The following AHI1 variants were observed in gnomAD, a reference collection of about 807,000 sequenced individuals.
AHI1 encodes jouberin.
A neutral mutation model predicts 149.3 loss-of-function variants in AHI1; 123 were observed. That is an observed-to-expected ratio of 0.82 (90% CI 0.71 to 0.96). The LOEUF is 0.96. AHI1 is among the 40% of genes least tolerant of loss of function. The pLI, the probability that AHI1 is intolerant of heterozygous loss-of-function variation, is 0.00. For missense variants in AHI1, 1,439 were observed against 1,422.7 expected, an observed-to-expected ratio of 1.01 and a Z score of -0.18; for synonymous variants, 475 against 459.8, an observed-to-expected ratio of 1.03 and a Z score of -0.42.
intron 21 of AHI1, among the ~76,000 whole-genome samples, chr6:135,410,522 A>G (rs1781436428): frequency 6.6e-6 from 1 of 152,238 alleles, no homozygotes; most frequent in South Asian, 2.1e-4. Flanking sequence ...GCTACACTCT[A>G]AACCATAGTT....
intron 24 of AHI1, among the ~76,000 whole-genome samples, chr6:135,356,017 C>T (rs2128432870): frequency 6.6e-6 from 1 of 152,324 alleles, no homozygotes; most frequent in South Asian, 2.1e-4. Context: ...TACCACTCTC[C>T]TAGAACTGCC....
At position 135,430,086 on chromosome 6, in the gene AHI1, C is replaced by T. The variant is rs900825117; in HGVS notation, c.2374-86G>A. ...GGGTACAAAATTAATCTTAAAATATCATTTCCAATTCCACTGTATAGGATG... is the reference window on the plus strand; with the variant it reads ...GGGTACAAAATTAATCTTAAAATATTATTTCCAATTCCACTGTATAGGATG... On this transcript the variant is annotated intron_variant, in intron 17 of 28. Transcript: ENST00000265602. 5.6e-6 allele frequency: 4 copies of T among 714,610 alleles called. No homozygotes were observed. In the African/African-American group the frequency reaches 7.2e-5, roughly 13 times the overall value. 44.3% of individuals were successfully genotyped at this position (714,610 alleles called of 1,614,324 possible).
At chr6:135,290,549 C>A in intron 27 of AHI1, 24 bp from the exon 28 acceptor site, 1 of 1,613,082 alleles carries the variant, frequency 6.2e-7, no homozygotes, top group Non-Finnish European at 8.5e-7. Context: ...AGATCAGAAA[C>A]AAGGAGCCAG....
chr6:135,392,180 T>C (rs556163665), intron 23 of AHI1, among the ~76,000 whole-genome samples: 5 of 152,346 alleles, frequency 3.3e-5, no homozygotes, highest in African/African-American at 9.6e-5. Context: ...TAGAGGTTCC[T>C]GAAGGCAGAG....
intron 23 of AHI1, among the ~76,000 whole-genome samples, chr6:135,391,880 C>T (rs1778552643): frequency 6.6e-6 from 1 of 151,986 alleles, no homozygotes; most frequent in South Asian, 2.1e-4. Context: ...AGAGGAAAGT[C>T]GAGAGAAAAG....
At chr6:135,296,146 C>T (rs1017562615) in intron 27 of AHI1, among the ~76,000 whole-genome samples, 31 of 152,198 alleles carry the variant, frequency 2.0e-4, no homozygotes, top group African/African-American at 5.8e-4. Flanking sequence ...TGAGCCACCG[C>T]GCCTGGCCGC....
intron 5 of AHI1, among the ~76,000 whole-genome samples, chr6:135,477,956 C>T (rs936289443): frequency 6.6e-6 from 1 of 151,388 alleles, no homozygotes. Flanking sequence ...TGCCACCACA[C>T]CCGGCTAATT....
Position 135,394,827 on chromosome 6 carries a change from T to C in AHI1, c.3058A>G (p.Asn1020Asp), listed in dbSNP as rs1779001393. The C allele has an allele frequency of 6.2e-7, 1 of 1,608,620 alleles. No individual in the cohort carries two copies. The highest frequency in any genetic ancestry group is 8.5e-7 in the Non-Finnish European group (1 of 1,177,166). ...AGAATCTCTTGAGCGGTCAGCATGTTTGACTGCTTTAACTTAGACTGTTGT... is the reference window on the plus strand; with the variant it reads ...AGAATCTCTTGAGCGGTCAGCATGTCTGACTGCTTTAACTTAGACTGTTGT... ...SSQQSKLKQS[N>D]MLTAQEILHQ... Residue 1020 changes from asparagine (N) to aspartate (D), a missense_variant, in exon 23 of 29, where the codon AAC (asparagine) becomes GAC (aspartate). Transcript: ENST00000265602.
intron 12 of AHI1, among the ~76,000 whole-genome samples, chr6:135,447,860 T>A (rs1787486731): frequency 6.6e-6 from 1 of 152,208 alleles, no homozygotes; most frequent in Non-Finnish European, 1.5e-5. Flanking sequence ...TACCTGTTTT[T>A]GTAAATAAAC....
At chr6:135,462,856 G>A (rs999387391) in intron 8 of AHI1, among the ~76,000 whole-genome samples, 1 of 151,958 alleles carries the variant, frequency 6.6e-6, no homozygotes, top group African/African-American at 2.4e-5. Context: ...AGCCGAGATC[G>A]TGCCACTGCA....
Position 135,388,002 on chromosome 6 carries a change from TA to T in AHI1, c.3109+6773del, listed in dbSNP as rs1391450582. The T allele has an allele frequency of 2.4e-5, 38 of 1,613,666 alleles. No individual in the cohort carries two copies. The Admixed American group carries it at 6.0e-4, about 25-fold the overall frequency. The stretch of plus-strand genomic sequence containing the variant: ...GAGTCTAGTGCTTTTTCCACCATAA[TA>T]TACATGTGTTGAATTCAGCAAAGTG... On this transcript the variant is annotated intron_variant, in intron 23 of 28. Transcript: ENST00000265602.
chr6:135,462,516 GTAAACTCAATGGTT>G (rs1790066665), intron 8 of AHI1, among the ~76,000 whole-genome samples: 1 of 150,958 alleles, frequency 6.6e-6, no homozygotes, highest in Non-Finnish European at 1.5e-5. Flanking sequence ...TTTAGAGGAT[GTAAACTCAATGGTT>G]TAAAGAAGAA....
At chr6:135,384,561 G>C (rs1777299882) in intron 23 of AHI1, among the ~76,000 whole-genome samples, 1 of 152,126 alleles carries the variant, frequency 6.6e-6, no homozygotes, top group Non-Finnish European at 1.5e-5. Context: ...CCCTATTCAA[G>C]CTAATCAAAA....
chr6:135,301,496 A>G lies in AHI1; in HGVS notation c.3427-938T>C, dbSNP rs181398960. ...GCCTTTTTAGATTTCCTTCTTCACA[A>G]TCAGATTTCTGCAAGATCATTCTTC... is the stretch of plus-strand genomic sequence containing the variant. On this transcript the variant is annotated intron_variant, in intron 26 of 28. Coordinates refer to ENST00000265602, the MANE Select transcript of AHI1 (RefSeq NM_001134831.2). 3.9e-4 allele frequency: 385 copies of G among 985,418 alleles called. 2 individuals carry two copies. In the African/African-American group the frequency reaches 5.7e-3, roughly 15 times the overall value. The allele number at this position is 985,418 out of a possible 1,614,324, so 61.0% of individuals were successfully genotyped here.
At chr6:135,412,834 C>A (rs940473862) in intron 20 of AHI1, among the ~76,000 whole-genome samples, 3 of 152,002 alleles carry the variant, frequency 2.0e-5, no homozygotes, top group South Asian at 2.1e-4. Context: ...AATGGATAAA[C>A]CTTCAGGGAG....
intron 25 of AHI1, among the ~76,000 whole-genome samples, chr6:135,319,002 A>G (rs1359323880): frequency 6.6e-6 from 1 of 152,236 alleles, no homozygotes; most frequent in Non-Finnish European, 1.5e-5. Flanking sequence ...ATTAGCAAGG[A>G]GCTTACAGTC....
At chr6:135,307,416 T>C (rs1006388165) in intron 26 of AHI1, among the ~76,000 whole-genome samples, 2 of 152,128 alleles carry the variant, frequency 1.3e-5, no homozygotes, top group South Asian at 2.1e-4. Context: ...CATTAGTCAA[T>C]AGATATCTAA....
chr6:135,362,178 A>C (rs541759141), intron 23 of AHI1, among the ~76,000 whole-genome samples: 35 of 152,252 alleles, frequency 2.3e-4, no homozygotes, highest in African/African-American at 8.4e-4. Flanking sequence ...ACACATATAT[A>C]TACTTGGTGA....
At chr6:135,445,668 G>T (rs1787063586) in intron 13 of AHI1, among the ~76,000 whole-genome samples, 1 of 152,100 alleles carries the variant, frequency 6.6e-6, no homozygotes, top group South Asian at 2.1e-4. Flanking sequence ...GAATTCCTGG[G>T]TTCAATCAAT....
Sources: gnomAD v4.1 joint callset for allele counts (sites outside exome capture counted in the v4.1 genomes callset) on GRCh38, gnomAD v4.1.1 for gene constraint, MANE v1.5 for transcripts, NCBI Gene and HGNC (gene_info 2026-07-23, HGNC 2026-07-21) for gene names.